The following FRK variants were observed in gnomAD, a reference collection of about 807,000 sequenced individuals.
FRK encodes tyrosine-protein kinase FRK.
A neutral mutation model predicts 56.4 loss-of-function variants in FRK; 51 were observed. The ratio of observed to expected loss-of-function variants is 0.90; its 90% CI spans 0.72 to 1.14. FRK has a LOEUF of 1.14. Among genes scored for constraint, FRK ranks in the 50% most tolerant of loss-of-function variants. The pLI, the probability that FRK is intolerant of heterozygous loss-of-function variation, is 0.00. For synonymous variants in FRK, 245 were observed against 217.9 expected, an observed-to-expected ratio of 1.12 and a Z score of -1.10; for missense variants, 570 against 601.4, an observed-to-expected ratio of 0.95 and a Z score of 0.55.
intron 1 of FRK, among the ~76,000 whole-genome samples, chr6:116,045,776 G>T (rs1340981778): frequency 6.6e-6 from 1 of 152,096 alleles, no homozygotes; most frequent in Non-Finnish European, 1.5e-5. Flanking sequence ...GGCAACAAAA[G>T]TCAAAATTGA....
At chr6:115,974,766 C>T (rs1056531497) in intron 2 of FRK, among the ~76,000 whole-genome samples, 1 of 152,072 alleles carries the variant, frequency 6.6e-6, no homozygotes, top group African/African-American at 2.4e-5. Context: ...TTTTGAACCC[C>T]ATTTGAATGC....
chr6:116,072,609 C>A, the FRK span, among the ~76,000 whole-genome samples: 4 of 151,836 alleles, frequency 2.6e-5, no homozygotes, highest in African/African-American at 9.7e-5. Context: ...TGTTTCCTTC[C>A]CCTACCATGA....
the FRK span, among the ~76,000 whole-genome samples, chr6:116,093,179 C>A: frequency 6.6e-6 from 1 of 152,128 alleles, no homozygotes; most frequent in African/African-American, 2.4e-5. Flanking sequence ...CTATAGCTCC[C>A]CTTCCTATTA....
the FRK span, among the ~76,000 whole-genome samples, chr6:116,085,522 T>C: frequency 3.3e-5 from 5 of 152,256 alleles, no homozygotes; most frequent in Non-Finnish European, 7.3e-5. Flanking sequence ...CATTGGAATT[T>C]GAATTATATT....
chr6:116,028,247 A>G (rs897000568), intron 1 of FRK, among the ~76,000 whole-genome samples: 1 of 152,172 alleles, frequency 6.6e-6, no homozygotes. Flanking sequence ...ATTTTTAAAA[A>G]TTTCCTATAC....
intron 1 of FRK, among the ~76,000 whole-genome samples, chr6:116,049,261 TA>T (rs1777102258): frequency 6.6e-6 from 1 of 152,194 alleles, no homozygotes; most frequent in South Asian, 2.1e-4. Flanking sequence ...ATGCTTCAGC[TA>T]AACTCTACAA....
the FRK span, among the ~76,000 whole-genome samples, chr6:116,094,534 C>T: frequency 6.6e-6 from 1 of 152,250 alleles, no homozygotes; most frequent in Non-Finnish European, 1.5e-5. Flanking sequence ...CCTACATGCT[C>T]ACGCTGCAAT....
chr6:116,020,275 CT>C (rs1371029934), intron 1 of FRK, among the ~76,000 whole-genome samples: 2 of 151,832 alleles, frequency 1.3e-5, no homozygotes, highest in African/African-American at 4.8e-5. Context: ...TTCTTTTGTC[CT>C]AGATCAATAT....
chr6:115,973,144 TCTGATTTGTCAAGCTACCATTCCTA>T (rs1387337177), intron 2 of FRK, among the ~76,000 whole-genome samples: 3 of 152,208 alleles, frequency 2.0e-5, no homozygotes, highest in Admixed American at 6.5e-5. Context: ...ATCCTTGCAC[TCTGATTTGTCAAGCTACCATTCCTA>T]CTGGCTATGA....
the FRK span, among the ~76,000 whole-genome samples, chr6:116,088,471 G>A: frequency 6.6e-6 from 1 of 152,150 alleles, no homozygotes; most frequent in Admixed American, 6.5e-5. Flanking sequence ...TTTCTTAAGG[G>A]CAAGGAAGTT....
Position 116,014,452 on chromosome 6 carries a change from A to T in FRK, c.345-10454T>A, listed in dbSNP as rs1010024918. On this transcript the variant is annotated intron_variant, in intron 1 of 7. Transcript: ENST00000606080. ...AAAATATACTTTGAAAGGATTTGAAAGAGATACAGAAATCTAAAAAAATGA... is the reference window on the plus strand; with the variant it reads ...AAAATATACTTTGAAAGGATTTGAATGAGATACAGAAATCTAAAAAAATGA... Among the ~76,000 whole-genome samples, 7 of 152,088 alleles carry T rather than the reference A, an allele frequency of 4.6e-5. No homozygotes were observed. In the East Asian group the frequency reaches 5.8e-4, roughly 13 times the overall value.
intron 5 of FRK, among the ~76,000 whole-genome samples, chr6:115,953,787 T>C (rs4521625): frequency 2.6e-5 from 4 of 152,202 alleles, no homozygotes; most frequent in Admixed American, 2.0e-4. Flanking sequence ...CCAATCTTGT[T>C]AGGTTCAGGA....
At chr6:116,083,498 A>G in the FRK span, among the ~76,000 whole-genome samples, 1 of 152,220 alleles carries the variant, frequency 6.6e-6, no homozygotes, top group Non-Finnish European at 1.5e-5. Flanking sequence ...GCATAAGTCT[A>G]GTGCCTAAGT....
At chr6:116,027,850 G>C (rs1029102792) in intron 1 of FRK, among the ~76,000 whole-genome samples, 3 of 151,594 alleles carry the variant, frequency 2.0e-5, no homozygotes, top group African/African-American at 7.3e-5. Flanking sequence ...AAAAAAAAAG[G>C]CTGATATATA....
chr6:116,044,779 A>G (rs915404970), intron 1 of FRK, among the ~76,000 whole-genome samples: 2 of 152,242 alleles, frequency 1.3e-5, no homozygotes, highest in African/African-American at 4.8e-5. Flanking sequence ...AAATAGGAAG[A>G]GAGGAAGTCA....
At chr6:115,998,013 A>AGT (rs1774909175) in intron 2 of FRK, among the ~76,000 whole-genome samples, 1 of 152,216 alleles carries the variant, frequency 6.6e-6, no homozygotes, top group African/African-American at 2.4e-5. Flanking sequence ...GCACCAAAGC[A>AGT]GTCTTTATCC....
chr6:115,973,497 G>A (rs963751851), intron 2 of FRK, among the ~76,000 whole-genome samples: 2 of 152,024 alleles, frequency 1.3e-5, no homozygotes, highest in South Asian at 4.1e-4. Flanking sequence ...CATGGCACGC[G>A]TATACTTATG....
At chr6:115,968,548 A>C (rs748800854) in intron 3 of FRK, 28 bp downstream of exon 3, 2 of 1,589,510 alleles carry the variant, frequency 1.3e-6, no homozygotes, top group Non-Finnish European at 1.7e-6. Flanking sequence ...AACTTCAATA[A>C]AAAAACACAG....
At chr6:116,084,065 G>GA in the FRK span, among the ~76,000 whole-genome samples, 9 of 152,088 alleles carry the variant, frequency 5.9e-5, no homozygotes, top group African/African-American at 2.2e-4. Flanking sequence ...TTGATGAAAG[G>GA]AAAAATATGA....
Sources: allele counts gnomAD v4.1 joint callset (sites outside exome capture counted in the v4.1 genomes callset), GRCh38; gene constraint gnomAD v4.1.1; transcripts MANE v1.5; gene names NCBI Gene and HGNC (gene_info 2026-07-23, HGNC 2026-07-21).